The following COL4A1 variants were observed in gnomAD, a reference collection of about 807,000 sequenced individuals.
COL4A1 encodes collagen alpha-1(IV) chain.
A neutral mutation model predicts 216.6 loss-of-function variants in COL4A1; 40 were observed. That is an observed-to-expected ratio of 0.18 (90% CI 0.14 to 0.24). The LOEUF (loss-of-function observed/expected upper bound fraction) is 0.24. Among genes scored for constraint, COL4A1 ranks in the 10% least tolerant of loss-of-function variants. The pLI, the probability that COL4A1 is intolerant of heterozygous loss-of-function variation, is 1.00. For synonymous variants in COL4A1, 839 were observed against 810.7 expected, an observed-to-expected ratio of 1.03 and a Z score of -0.59; for missense variants, 1,628 against 2,196.8, an observed-to-expected ratio of 0.74 and a Z score of 5.18.
chr13:110,207,275 A>T lies in COL4A1; in HGVS notation c.780+128T>A, dbSNP rs12867220. 0.26 allele frequency: 216,640 copies of T among 847,852 alleles called. 30,363 individuals carry two copies. The highest frequency in any genetic ancestry group is 0.32 in the Admixed American group (16,606 of 51,464). 52.5% of individuals were successfully genotyped at this position (847,852 alleles called of 1,614,324 possible). ...TCGTATTTTATGGACTGAACAGTCT[A>T]TAAATCTGTTTTCCAGACCAGGATT... On this transcript the variant is annotated intron_variant, in intron 13 of 51. Transcript: ENST00000375820. The surrounding 1 kb of genome is among the most constrained non-coding windows in gnomAD (Gnocchi z 4.4).
intron 1 of COL4A1, among the ~76,000 whole-genome samples, chr13:110,288,560 CACAG>C (rs1435740840): frequency 1.3e-5 from 2 of 152,122 alleles, no homozygotes; most frequent in Non-Finnish European, 2.9e-5. Context: ...ATTTTCTTTG[CACAG>C]ACAAAAATCA....
chr13:110,170,937 G>A (rs1438824311), intron 41 of COL4A1, among the ~76,000 whole-genome samples: 1 of 152,202 alleles, frequency 6.6e-6, no homozygotes. Context: ...CCATGGCCTG[G>A]CTGGAAAAAG....
rs1878246885 is a variant in COL4A1, at chr13:110,183,047, T to G, written c.2041A>C (p.Lys681Gln). ...ATGCCTGGCTGGCCCACAGCGCCCT[T>G]CTCTCCTGGCAGGCCTGGCCTTCCT... is the stretch of plus-strand genomic sequence containing the variant. ...TPGRPGLPGE[K>Q]GAVGQPGIGF... is the part of the protein sequence containing the mutation. The change falls in exon 28 of 52, where the codon AAG (lysine) becomes CAG (glutamine). Residue 681 changes from lysine (K) to glutamine (Q), a missense_variant. This residue lies in a region of COL4A1 where 701 missense variants were observed against 892.5 expected (regional missense o/e 0.79). Coordinates refer to ENST00000375820, the MANE Select transcript of COL4A1 (RefSeq NM_001845.6). 2 of 1,613,396 alleles carry G rather than the reference T, an allele frequency of 1.2e-6. No individual in the cohort carries two copies. Among genetic ancestry groups the G allele is most frequent in the East Asian group, 4.5e-5 (2 of 44,868 alleles).
At chr13:110,158,919 T>A (rs972177676) in intron 49 of COL4A1, among the ~76,000 whole-genome samples, 1 of 152,068 alleles carries the variant, frequency 6.6e-6, no homozygotes, top group Admixed American at 6.5e-5. Context: ...ATTTTTGTAT[T>A]TTTAGTAGAG....
In COL4A1 at chr13:110,211,577, C is replaced by T; in HGVS notation, c.468+70G>A. Reference sequence around the variant, plus strand: ...GCCAAAGTGGTTTAAAGAGAATGTGCTTCTATGGCACTTGTTGTAAACAGA... The same window carrying T: ...GCCAAAGTGGTTTAAAGAGAATGTGTTTCTATGGCACTTGTTGTAAACAGA... On this transcript the variant is annotated intron_variant, in intron 8 of 51. Coordinates refer to ENST00000375820, the MANE Select transcript of COL4A1 (RefSeq NM_001845.6). The surrounding 1 kb of genome is among the most constrained non-coding windows in gnomAD (Gnocchi z 4.3). The T allele has an allele frequency of 6.8e-7, 1 of 1,470,572 alleles. No homozygotes were observed. The highest frequency in any genetic ancestry group is 9.4e-7 in the Non-Finnish European group (1 of 1,068,822). 91.1% of individuals were successfully genotyped at this position (1,470,572 alleles called of 1,614,324 possible).
chr13:110,226,660 T>C (rs679958), intron 2 of COL4A1, among the ~76,000 whole-genome samples: 108,028 of 152,128 alleles, frequency 0.71, 38,611 homozygotes, highest in Middle Eastern at 0.83. Context: ...AACCCACTAT[T>C]AGCCTAACCT....
intron 41 of COL4A1, among the ~76,000 whole-genome samples, chr13:110,171,244 A>C (rs592634): frequency 0.06 from 9,109 of 152,274 alleles, 790 homozygotes; most frequent in African/African-American, 0.2. Context: ...TTATTTTTGT[A>C]AACTGCTGGA....
chr13:110,257,826 T>C (rs61963335), intron 1 of COL4A1, among the ~76,000 whole-genome samples: 1,659 of 152,358 alleles, frequency 0.011, 14 homozygotes, highest in Non-Finnish European at 0.019. Flanking sequence ...GCTATTGAAA[T>C]GTGCTACAAC....
Position 110,205,553 on chromosome 13 carries a change from T to A in COL4A1, c.859-15A>T. ...CCGGGTTTGCCCTGTAGAATAAAGATGTAAACGTTAGTATTTAATAAATAA... is the reference window on the plus strand; with the variant it reads ...CCGGGTTTGCCCTGTAGAATAAAGAAGTAAACGTTAGTATTTAATAAATAA... On this transcript the variant is annotated splice_polypyrimidine_tract_variant and intron_variant, in intron 15 of 51. Coordinates refer to ENST00000375820, the MANE Select transcript of COL4A1 (RefSeq NM_001845.6). 6.2e-7 allele frequency: 1 copy of A among 1,612,674 alleles called. No homozygotes were observed. The highest frequency in any genetic ancestry group is 8.5e-7 in the Non-Finnish European group (1 of 1,179,218).
At position 110,297,130 on chromosome 13, in the gene COL4A1, G is replaced by C. The variant is rs117324286; in HGVS notation, c.84+9814C>G. Among the ~76,000 whole-genome samples, 281 of 152,222 alleles carry C rather than the reference G, an allele frequency of 1.8e-3. No homozygotes were observed. The East Asian group carries it at 0.029, about 16-fold the overall frequency. On this transcript the variant is annotated intron_variant, in intron 1 of 51. Transcript: ENST00000375820. ...TGGTAATTAACTCAACCTCCTACAC[G>C]GCCCCTCTCCCCAGAGGTTGTGAGT...
Position 110,189,308 on chromosome 13 carries a change from C to T in COL4A1, c.1537-1979G>A, listed in dbSNP as rs149229928. On this transcript the variant is annotated intron_variant, in intron 24 of 51. Transcript: ENST00000375820. ...GAACTCCCGACCTCAGGTGATCCGC[C>T]CGCCTCGGCCTCCCAAAGTGCTGGG... is the stretch of plus-strand genomic sequence containing the variant. Among the ~76,000 whole-genome samples the T allele has an allele frequency of 8.5e-5, 13 of 152,338 alleles. No homozygotes were observed. In the East Asian group the frequency reaches 2.5e-3, roughly 29 times the overall value.
intron 51 of COL4A1, among the ~76,000 whole-genome samples, 183 bp from the exon 52 acceptor site, chr13:110,150,627 C>T (rs915620565): frequency 6.6e-6 from 1 of 152,208 alleles, no homozygotes; most frequent in Non-Finnish European, 1.5e-5. Context: ...CCCACGCACA[C>T]AGAACACTGC....
chr13:110,188,464 T>C (rs1047492814), intron 24 of COL4A1, among the ~76,000 whole-genome samples: 12 of 152,212 alleles, frequency 7.9e-5, no homozygotes, highest in African/African-American at 2.9e-4. Context: ...TTCTATAGCA[T>C]CTCTGACCCT....
intron 4 of COL4A1, 33 bp downstream of exon 4, chr13:110,213,749 G>A: frequency 6.2e-7 from 1 of 1,610,768 alleles, no homozygotes; most frequent in Non-Finnish European, 8.5e-7. Flanking sequence ...CCCACGCATG[G>A]AATCATCGAT....
intron 1 of COL4A1, among the ~76,000 whole-genome samples, chr13:110,245,765 G>T (rs932332848): frequency 2.0e-5 from 3 of 152,138 alleles, no homozygotes; most frequent in Non-Finnish European, 4.4e-5. Context: ...TGGACCCTCG[G>T]GTCAAGACGC....
In COL4A1 at chr13:110,211,815, G is replaced by A. The variant is rs1277099652; in HGVS notation, c.441+54C>T. ...GAAAGAAAAGGAAATGGAATGAAAA[G>A]AGAGAAGTCATAACTAAAAGAAAGA... On this transcript the variant is annotated intron_variant, in intron 7 of 51. Transcript: ENST00000375820. The surrounding 1 kb of genome is among the most constrained non-coding windows in gnomAD (Gnocchi z 4.3). The A allele has an allele frequency of 5.0e-6, 8 of 1,587,686 alleles. No individual in the cohort carries two copies. Among genetic ancestry groups the A allele is most frequent in the Non-Finnish European group, 6.9e-6 (8 of 1,156,748 alleles).
chr13:110,196,579 CA>C (rs536530722), intron 21 of COL4A1, among the ~76,000 whole-genome samples: 1 of 148,294 alleles, frequency 6.7e-6, no homozygotes, highest in Admixed American at 6.8e-5. Context: ...AAATCCCTGA[CA>C]AAAAAACAAA....
chr13:110,150,362 A>C lies in COL4A1; in HGVS notation c.*1T>G, dbSNP rs1439503961. On this transcript the variant is annotated 3_prime_UTR_variant, in exon 52 of 52. Coordinates refer to ENST00000375820, the MANE Select transcript of COL4A1 (RefSeq NM_001845.6). ...TGTGACATTAGCTGAGTCAGGCTTC[A>C]TTATGTTCTTCTCATACAGACTTGG... 1 of 1,613,638 alleles carries C rather than the reference A, an allele frequency of 6.2e-7. No homozygotes were observed. Among genetic ancestry groups the C allele is most frequent in the South Asian group, 1.1e-5 (1 of 91,016 alleles).
intron 49 of COL4A1, among the ~76,000 whole-genome samples, chr13:110,156,932 G>T (rs914594233): frequency 6.6e-6 from 1 of 152,114 alleles, no homozygotes; most frequent in African/African-American, 2.4e-5. Context: ...TCACCCAAAT[G>T]CAGATGAATT....
Sources: gnomAD v4.1 joint callset for allele counts (sites outside exome capture counted in the v4.1 genomes callset) on GRCh38, gnomAD v4.1.1 for gene constraint, gnomAD v4.1.1 regional missense constraint, Gnocchi (gnomAD v3.1) non-coding constraint, MANE v1.5 for transcripts, NCBI Gene and HGNC (gene_info 2026-07-23, HGNC 2026-07-21) for gene names.